Variants in NAA38 observed in about 807,000 individuals in gnomAD.
NAA38 encodes the protein LSM domain containing 1.
In NAA38, 15 loss-of-function variants were observed where a neutral mutation model predicts 12.6. That is an observed-to-expected ratio of 1.19 (90% CI 0.79 to 1.83). The LOEUF (loss-of-function observed/expected upper bound fraction) is 1.83, where lower values mean the gene tolerates loss of function less well. Ranked by LOEUF, NAA38 falls within the 40% of genes most tolerant of loss-of-function variation. NAA38 has a pLI of 0.00. For missense variants in NAA38, 183 were observed against 171.7 expected (o/e 1.07, Z -0.37); for synonymous variants, 88 against 69.9 (o/e 1.26, Z -1.29).
chr17:7,858,994 T>G (rs1356502478), upstream of NAA38: 2 of 609,780 alleles, frequency 3.3e-6, no homozygotes, highest in East Asian at 5.7e-5. Flanking sequence ...GGTTGGGAAT[T>G]CTAGGAGTGT....
intron 2 of NAA38, among the ~76,000 whole-genome samples, chr17:7,881,302 CAAG>C (rs1258131149): frequency 2.6e-5 from 4 of 151,882 alleles, no homozygotes; most frequent in Non-Finnish European, 5.9e-5. Context: ...GAGAGAAAAG[CAAG>C]AAGAGACGTG....
At chr17:7,858,127 C>T, upstream of NAA38, 1 of 1,613,110 alleles carries the variant, frequency 6.2e-7, no homozygotes, top group Non-Finnish European at 8.5e-7. Flanking sequence ...ACCGACAGAG[C>T]AAGAGCCATG....
intron 1 of NAA38, among the ~76,000 whole-genome samples, chr17:7,884,609 GC>G (rs1320204987): frequency 6.7e-5 from 8 of 119,932 alleles, no homozygotes; most frequent in South Asian, 3.5e-4. Context: ...TCAGACGGCG[GC>G]CCCGAGGGTG....
intron 2 of NAA38, among the ~76,000 whole-genome samples, chr17:7,869,881 G>C (rs1967056388): frequency 6.6e-6 from 1 of 152,182 alleles, no homozygotes; most frequent in South Asian, 2.1e-4. Flanking sequence ...CATTTCCCAT[G>C]ACAAATTTAT....
chr17:7,875,928 CATA>C (rs1184633774), intron 2 of NAA38, among the ~76,000 whole-genome samples: 2 of 152,316 alleles, frequency 1.3e-5, no homozygotes, highest in East Asian at 1.9e-4. Context: ...TCTTACTTAG[CATA>C]ATGTTTTCAA....
chr17:7,866,653 C>T, intron 2 of NAA38: 3 of 553,316 alleles, frequency 5.4e-6, no homozygotes, highest in Non-Finnish European at 8.1e-6. Flanking sequence ...GGCCACCTGG[C>T]TCCTTAAAGT....
At chr17:7,858,136 T>A (rs759847568), upstream of NAA38, 2 of 1,613,346 alleles carry the variant, frequency 1.2e-6, no homozygotes, top group Non-Finnish European at 1.7e-6. Context: ...GCAAGAGCCA[T>A]GCCGCGCCGG....
upstream of NAA38, chr17:7,858,290 C>G (rs1415620975): frequency 6.2e-7 from 1 of 1,613,992 alleles, no homozygotes; most frequent in East Asian, 2.2e-5. Flanking sequence ...CACAGGAATA[C>G]AAGGGTAAGG....
At chr17:7,866,979 G>C (rs1356791909) in intron 2 of NAA38, among the ~76,000 whole-genome samples, 1 of 152,160 alleles carries the variant, frequency 6.6e-6, no homozygotes, top group Non-Finnish European at 1.5e-5. Flanking sequence ...AACCCAGTTC[G>C]GGGGGACCAA....
intron 3 of NAA38, chr17:7,866,476 C>G (rs1398314326): frequency 2.4e-6 from 3 of 1,231,354 alleles, no homozygotes; most frequent in Non-Finnish European, 3.0e-6. Context: ...TTAAGATGAA[C>G]TTAGAAACCC....
chr17:7,883,896 A>T (rs1392638879), intron 1 of NAA38, among the ~76,000 whole-genome samples: 3 of 152,050 alleles, frequency 2.0e-5, no homozygotes, highest in African/African-American at 4.8e-5. Context: ...TAAAGAAAAT[A>T]AAAAAAATTA....
chr17:7,877,550 T>G (rs1967197121), intron 2 of NAA38, among the ~76,000 whole-genome samples: 1 of 152,156 alleles, frequency 6.6e-6, no homozygotes, highest in African/African-American at 2.4e-5. Flanking sequence ...GCTGTGTAGT[T>G]TGTTTAGCTA....
intron 2 of NAA38, 58 bp downstream of exon 2, chr17:7,856,951 GGGAAAT>G (rs751326899): frequency 6.3e-7 from 1 of 1,587,910 alleles, no homozygotes. Flanking sequence ...GGCCCTTAAG[GGGAAAT>G]GCCTTGCGTA....
chr17:7,856,859 A>G lies in NAA38; in HGVS notation c.266-16T>C. 6.2e-7 allele frequency: 1 copy of G among 1,612,100 alleles called. No homozygotes were observed. The highest frequency in any genetic ancestry group is 8.5e-7 in the Non-Finnish European group (1 of 1,178,836). Reference sequence around the variant, plus strand: ...GAGAAGGAATCTGGAAAGAAGGATCAGAGCATCAGGAAAGTAGGCCAGAAT... The same window carrying G: ...GAGAAGGAATCTGGAAAGAAGGATCGGAGCATCAGGAAAGTAGGCCAGAAT... On this transcript the variant is annotated splice_polypyrimidine_tract_variant and intron_variant, in intron 2 of 2. Transcript: ENST00000575771.
chr17:7,858,690 C>T, upstream of NAA38: 4 of 1,611,516 alleles, frequency 2.5e-6, no homozygotes, highest in Non-Finnish European at 3.4e-6. Flanking sequence ...GCCTCAGCTG[C>T]CCTGTTCGGA....
At chr17:7,858,056 G>A (rs2078846252), upstream of NAA38, 3 of 1,569,040 alleles carry the variant, frequency 1.9e-6, no homozygotes, top group Non-Finnish European at 2.6e-6. Context: ...CGGACGCGAC[G>A]GAGGTCGTAG....
chr17:7,857,580 CCTCCTAGT>C, upstream of NAA38: 3 of 1,394,384 alleles, frequency 2.2e-6, no homozygotes, highest in East Asian at 2.7e-5. Flanking sequence ...CTCTCCTCCC[CCTCCTAGT>C]CTCCTCGGCA....
rs771741476 is a variant in NAA38 at position 7,876,785 on chromosome 17, A to G, written c.-66+6450T>C. On this transcript the variant is annotated intron_variant, in intron 2 of 4. Transcript: ENST00000576861. ...CTCTTGATCACTAAAAAATTTTCAA[A>G]TTGCTTTATAAGATGTACAATTAAA... Among the ~76,000 whole-genome samples, 14 of 152,248 alleles carry G rather than the reference A, an allele frequency of 9.2e-5. 1 individual carries two copies. The highest frequency in any genetic ancestry group is 6.8e-3 in the Middle Eastern group (2 of 294).
chr17:7,882,539 G>A (rs1036146366), intron 2 of NAA38, among the ~76,000 whole-genome samples: 2 of 152,086 alleles, frequency 1.3e-5, no homozygotes, highest in African/African-American at 2.4e-5. Context: ...ATATAGAAAG[G>A]GGGGGATAAC....
Sources: allele counts gnomAD v4.1 joint callset (sites outside exome capture counted in the v4.1 genomes callset), GRCh38; gene constraint gnomAD v4.1.1; transcripts MANE v1.5; gene names NCBI Gene and HGNC (gene_info 2026-07-23, HGNC 2026-07-21).